CDH8: variants seen among roughly 807,000 people sequenced by gnomAD.
The protein encoded by CDH8 is cadherin 8, also known as cadherin-8.
CDH8 carries 17 observed loss-of-function variants against 68.1 expected under a neutral mutation model. That is an observed-to-expected ratio of 0.25 (90% CI 0.17 to 0.37). CDH8 has a LOEUF of 0.37. CDH8 is among the 10% of genes least tolerant of loss of function. CDH8 has a pLI of 1.00. For missense variants in CDH8, 763 were observed against 999.3 expected (o/e 0.76, Z 3.19); for synonymous variants, 372 against 365.1 (o/e 1.02, Z -0.21).
chr16:61,712,160 CT>C (rs1450602187), intron 10 of CDH8, among the ~76,000 whole-genome samples: 1 of 151,632 alleles, frequency 6.6e-6, no homozygotes, highest in Non-Finnish European at 1.5e-5. Flanking sequence ...AATATTTAAA[CT>C]TTTACCTTCT....
intron 6 of CDH8, among the ~76,000 whole-genome samples, chr16:61,820,197 C>T (rs530480052): frequency 8.6e-5 from 13 of 151,674 alleles, no homozygotes; most frequent in Non-Finnish European, 1.5e-4. Context: ...ATTCATTTCC[C>T]ATAATGCTCA....
chr16:61,753,782 T>G (rs1051681337), intron 8 of CDH8, among the ~76,000 whole-genome samples: 1 of 152,070 alleles, frequency 6.6e-6, no homozygotes, highest in African/African-American at 2.4e-5. Flanking sequence ...GCCAAAGAAT[T>G]AATATGTACC....
intron 7 of CDH8, among the ~76,000 whole-genome samples, chr16:61,791,084 A>C (rs1225744382): frequency 6.6e-6 from 1 of 151,736 alleles, no homozygotes; most frequent in Non-Finnish European, 1.5e-5. Context: ...AAATCATTTG[A>C]AAAAATATAT....
chr16:61,923,972 C>T (rs574370832), intron 2 of CDH8, among the ~76,000 whole-genome samples: 20 of 150,958 alleles, frequency 1.3e-4, no homozygotes, highest in African/African-American at 4.6e-4. Flanking sequence ...AGTAAAAACA[C>T]AGATTACTGG....
At position 61,655,087 on chromosome 16, in the gene CDH8, C is replaced by A. The variant is rs538849458; in HGVS notation, c.1906+383G>T. The stretch of plus-strand genomic sequence containing the variant: ...CCGATGGACTCAGCAACCCAAACTA[C>A]AATGAAACACTATTGTGGACATAGT... On this transcript the variant is annotated intron_variant, in intron 11 of 11. Transcript: ENST00000577390. 3.9e-5 allele frequency among the ~76,000 whole-genome samples: 6 copies of A among 152,254 alleles called. No homozygotes were observed. In the South Asian group the frequency reaches 1.2e-3, roughly 32 times the overall value.
intron 2 of CDH8, among the ~76,000 whole-genome samples, chr16:62,011,687 GA>G (rs2150604715): frequency 6.6e-6 from 1 of 152,176 alleles, no homozygotes; most frequent in African/African-American, 2.4e-5. Context: ...AACAGATTCT[GA>G]TTCAATAAGT....
intron 2 of CDH8, among the ~76,000 whole-genome samples, chr16:62,009,800 G>A (rs1901763025): frequency 6.6e-6 from 1 of 152,116 alleles, no homozygotes; most frequent in Non-Finnish European, 1.5e-5. Context: ...CTGCAAAATG[G>A]AAAATAATAA....
chr16:61,839,035 G>T (rs371565347), intron 4 of CDH8, among the ~76,000 whole-genome samples: 1 of 152,022 alleles, frequency 6.6e-6, no homozygotes, highest in Non-Finnish European at 1.5e-5. Flanking sequence ...AGTAAATGAC[G>T]TTGGAATCTA....
At chr16:61,896,070 A>G (rs1414480590) in intron 3 of CDH8, among the ~76,000 whole-genome samples, 2 of 152,190 alleles carry the variant, frequency 1.3e-5, no homozygotes, top group East Asian at 1.9e-4. Flanking sequence ...CTTGACCCCA[A>G]TACACAAAAA....
At chr16:61,867,862 T>C (rs2143023651) in intron 3 of CDH8, among the ~76,000 whole-genome samples, 1 of 152,284 alleles carries the variant, frequency 6.6e-6, no homozygotes, top group African/African-American at 2.4e-5. Context: ...TACTTTTATA[T>C]ATAAATTGCA....
rs1297843343 is a variant in CDH8 at position 61,842,060 on chromosome 16, T to C, written c.667+15059A>G. Among the ~76,000 whole-genome samples, 6 of 147,414 alleles carry C rather than the reference T, an allele frequency of 4.1e-5. No individual in the cohort carries two copies. The East Asian group carries it at 9.8e-4, about 24-fold the overall frequency. On this transcript the variant is annotated intron_variant, in intron 4 of 11. Coordinates refer to ENST00000577390, the MANE Select transcript of CDH8 (RefSeq NM_001796.5). ...CTGCCACCACGCCCGGCTAATTTTTTTTTTTTTTTTTGTATTTTTTGTATT... is the reference window on the plus strand; with the variant it reads ...CTGCCACCACGCCCGGCTAATTTTTCTTTTTTTTTTTGTATTTTTTGTATT...
At chr16:62,004,927 T>C (rs1965949047) in intron 2 of CDH8, among the ~76,000 whole-genome samples, 1 of 152,180 alleles carries the variant, frequency 6.6e-6, no homozygotes, top group Non-Finnish European at 1.5e-5. Flanking sequence ...AGCCAGAACC[T>C]TGTGGAGTTT....
intron 4 of CDH8, among the ~76,000 whole-genome samples, chr16:61,826,312 T>C (rs1962333250): frequency 6.6e-6 from 1 of 151,930 alleles, no homozygotes; most frequent in Admixed American, 6.6e-5. Flanking sequence ...TTGATAAATA[T>C]TGCAGTTATT....
chr16:61,950,628 AT>A (rs963923011), intron 2 of CDH8, among the ~76,000 whole-genome samples: 2 of 152,054 alleles, frequency 1.3e-5, no homozygotes, highest in Admixed American at 6.5e-5. Flanking sequence ...TTCATTTCTT[AT>A]TTTCCCCCCA....
In CDH8 at chr16:61,691,375, C is replaced by T. The variant is rs561876089; in HGVS notation, c.1654+22466G>A. Among the ~76,000 whole-genome samples the T allele has an allele frequency of 7.3e-5, 11 of 149,704 alleles. No homozygotes were observed. The South Asian group carries it at 1.7e-3, about 23-fold the overall frequency. ...TGTGCATTATCTTTTTTTTTTTCCT[C>T]AGTTTGTTTTCTTGCATTAGAGTGC... is the stretch of plus-strand genomic sequence containing the variant. On this transcript the variant is annotated intron_variant, in intron 10 of 11. Transcript: ENST00000577390.
In CDH8 at chr16:61,940,398, CT is replaced by C. The variant is rs1185703652; in HGVS notation, c.253-38926del. The stretch of plus-strand genomic sequence containing the variant: ...GAGCTATGGTAATGAACTACTTGAT[CT>C]TTTTTTTTTTTTTTTTTTGAGACGG... On this transcript the variant is annotated intron_variant, in intron 2 of 11. Transcript: ENST00000577390. 572 of 116,298 alleles carry C rather than the reference CT, an allele frequency of 4.9e-3. 7 individuals are homozygous for C. The highest frequency in any genetic ancestry group is 0.016 in the Middle Eastern group (4 of 248). 7.2% of individuals were successfully genotyped at this position (116,298 alleles called of 1,614,324 possible). A position where few individuals can be genotyped will look rare whatever the true frequency, so the allele number is the denominator to read the frequency against.
intron 2 of CDH8, among the ~76,000 whole-genome samples, chr16:61,985,382 A>G (rs563529401): frequency 1.3e-5 from 2 of 152,342 alleles, no homozygotes; most frequent in South Asian, 4.1e-4. Flanking sequence ...ACAAGTAGCT[A>G]ATTGCTGGCA....
At chr16:61,871,462 C>A (rs1704725883) in intron 3 of CDH8, among the ~76,000 whole-genome samples, 2 of 151,782 alleles carry the variant, frequency 1.3e-5, no homozygotes, top group African/African-American at 2.4e-5. Flanking sequence ...CTGTGCCCAG[C>A]CTACCTAAGG....
intron 2 of CDH8, among the ~76,000 whole-genome samples, chr16:61,946,912 G>A (rs1191962359): frequency 6.6e-6 from 1 of 152,188 alleles, no homozygotes; most frequent in Non-Finnish European, 1.5e-5. Context: ...CTTAGGTGCA[G>A]AATTTATAGA....
Sources: gnomAD v4.1 joint callset for allele counts (sites outside exome capture counted in the v4.1 genomes callset) on GRCh38, gnomAD v4.1.1 for gene constraint, MANE v1.5 for transcripts, NCBI Gene and HGNC (gene_info 2026-07-23, HGNC 2026-07-21) for gene names.